The following FAM117A variants were observed in gnomAD, a reference collection of about 807,000 sequenced individuals.
FAM117A encodes family with sequence similarity 117 member A, also known as protein FAM117A.
In FAM117A, 21 loss-of-function variants were observed where a neutral mutation model predicts 44.1. That is an observed-to-expected ratio of 0.48 (90% CI 0.34 to 0.69). The LOEUF is 0.69. Ranked by LOEUF, FAM117A falls within the 30% of genes least tolerant of loss-of-function variation. FAM117A has a pLI of 0.01. For synonymous variants in FAM117A, 220 were observed against 238.3 expected, an observed-to-expected ratio of 0.92 and a Z score of 0.71; for missense variants, 498 against 589.9, an observed-to-expected ratio of 0.84 and a Z score of 1.61.
chr17:49,711,942 C>T (rs546679302), intron 7 of FAM117A, among the ~76,000 whole-genome samples: 305 of 152,258 alleles, frequency 2.0e-3, no homozygotes, highest in African/African-American at 6.7e-3. Context: ...GTCAGGAGTT[C>T]GAGACCAGCC....
chr17:49,744,671 T>C (rs1331563746), intron 1 of FAM117A, among the ~76,000 whole-genome samples: 1 of 151,760 alleles, frequency 6.6e-6, no homozygotes, highest in Non-Finnish European at 1.5e-5. Flanking sequence ...CCTAATATAA[T>C]GTAAATGCTA....
chr17:49,787,549 T>C (rs144254392), intron 1 of FAM117A, among the ~76,000 whole-genome samples: 4 of 152,336 alleles, frequency 2.6e-5, no homozygotes, highest in African/African-American at 9.6e-5. Flanking sequence ...GCCCTGCTCC[T>C]GGGGGAAATC....
At chr17:49,741,440 C>A (rs1292166987) in intron 1 of FAM117A, among the ~76,000 whole-genome samples, 1 of 152,228 alleles carries the variant, frequency 6.6e-6, no homozygotes, top group African/African-American at 2.4e-5. Flanking sequence ...GCTCACCAAT[C>A]CTGATCTCTC....
intron 1 of FAM117A, among the ~76,000 whole-genome samples, chr17:49,742,785 G>C (rs2073640002): frequency 6.6e-6 from 1 of 152,154 alleles, no homozygotes; most frequent in African/African-American, 2.4e-5. Context: ...TTTCCATCAA[G>C]TAGGAAAGAA....
At chr17:49,712,303 G>A (rs1316776795) in intron 7 of FAM117A, among the ~76,000 whole-genome samples, 3 of 152,172 alleles carry the variant, frequency 2.0e-5, no homozygotes, top group African/African-American at 7.2e-5. Flanking sequence ...TGCGGGGTGG[G>A]GATGGAGGCA....
intron 1 of FAM117A, among the ~76,000 whole-genome samples, chr17:49,752,074 A>T (rs546236416): frequency 6.6e-6 from 1 of 152,184 alleles, no homozygotes; most frequent in African/African-American, 2.4e-5. Context: ...TGAGCAACAT[A>T]GTGAGATCCC....
chr17:49,786,119 A>G (rs182538300), intron 1 of FAM117A, among the ~76,000 whole-genome samples: 1 of 152,314 alleles, frequency 6.6e-6, no homozygotes, highest in Non-Finnish European at 1.5e-5. Flanking sequence ...CAAGTACTAT[A>G]CACATTTTTT....
At chr17:49,721,602 G>A (rs1260471348) in intron 3 of FAM117A, among the ~76,000 whole-genome samples, 1 of 152,228 alleles carries the variant, frequency 6.6e-6, no homozygotes, top group Non-Finnish European at 1.5e-5. Context: ...GTAAAGGCGT[G>A]CAGGGTGAGT....
intron 1 of FAM117A, among the ~76,000 whole-genome samples, chr17:49,751,381 C>G (rs1028570419): frequency 6.6e-6 from 1 of 151,330 alleles, no homozygotes; most frequent in Non-Finnish European, 1.5e-5. Context: ...GAGATCGAGA[C>G]CATCCTGGTC....
intron 1 of FAM117A, among the ~76,000 whole-genome samples, chr17:49,736,326 G>A (rs755120540): frequency 6.6e-6 from 1 of 151,080 alleles, no homozygotes; most frequent in African/African-American, 2.4e-5. Context: ...GCACAAGCTC[G>A]GCTTACTGCA....
At chr17:49,779,083 C>T (rs1012812226) in intron 1 of FAM117A, among the ~76,000 whole-genome samples, 1 of 152,174 alleles carries the variant, frequency 6.6e-6, no homozygotes, top group Non-Finnish European at 1.5e-5. Context: ...GAAACCTGCA[C>T]ACTCCTAAGG....
intron 1 of FAM117A, among the ~76,000 whole-genome samples, chr17:49,757,337 A>G (rs1265589492): frequency 1.3e-5 from 2 of 152,150 alleles, no homozygotes; most frequent in Non-Finnish European, 2.9e-5. Flanking sequence ...ATTATGAAAT[A>G]CTTGGATAGC....
At chr17:49,784,220 G>A (rs2073798636) in intron 1 of FAM117A, among the ~76,000 whole-genome samples, 1 of 152,234 alleles carries the variant, frequency 6.6e-6, no homozygotes, top group Non-Finnish European at 1.5e-5. Context: ...GCAAGAGACT[G>A]ATACAAGTAA....
intron 7 of FAM117A, among the ~76,000 whole-genome samples, chr17:49,714,870 C>T (rs1461061479): frequency 6.6e-6 from 1 of 151,916 alleles, no homozygotes; most frequent in African/African-American, 2.4e-5. Flanking sequence ...TGGTCTCAAA[C>T]TCCTGACCTC....
chr17:49,786,598 G>A (rs1369194398), intron 1 of FAM117A, among the ~76,000 whole-genome samples: 1 of 151,996 alleles, frequency 6.6e-6, no homozygotes, highest in Non-Finnish European at 1.5e-5. Context: ...CCAACATGGA[G>A]AAACACTGTC....
At chr17:49,777,669 G>T (rs2073778968) in intron 1 of FAM117A, among the ~76,000 whole-genome samples, 1 of 152,112 alleles carries the variant, frequency 6.6e-6, no homozygotes, top group African/African-American at 2.4e-5. Context: ...TGGGGCCAGG[G>T]GGTTAAGTGC....
intron 1 of FAM117A, 118 bp from the exon 2 acceptor site, chr17:49,732,838 C>T: frequency 9.0e-7 from 1 of 1,109,640 alleles, no homozygotes; most frequent in East Asian, 2.6e-5. Context: ...ATATCCACCA[C>T]TGTCCTAAAA....
chr17:49,764,156 G>A (rs2073736249), upstream of FAM117A: 3 of 793,700 alleles, frequency 3.8e-6, no homozygotes, highest in South Asian at 4.6e-5. Context: ...CGAGGCCGCT[G>A]CTTATCTGCT....
intron 1 of FAM117A, among the ~76,000 whole-genome samples, chr17:49,756,890 T>C (rs1489651405): frequency 3.4e-5 from 5 of 147,230 alleles, no homozygotes; most frequent in Non-Finnish European, 7.4e-5. Flanking sequence ...GCACTCCAGC[T>C]TGAGCTATAG....
Sources: allele counts gnomAD v4.1 joint callset (sites outside exome capture counted in the v4.1 genomes callset), GRCh38; gene constraint gnomAD v4.1.1; transcripts MANE v1.5; gene names NCBI Gene and HGNC (gene_info 2026-07-23, HGNC 2026-07-21).